The following ATG13 variants were observed in gnomAD, a reference collection of about 807,000 sequenced individuals.
ATG13 encodes the protein autophagy-related protein 13.
Under a neutral mutation model 65.5 loss-of-function variants are expected in ATG13, and 23 were observed. The ratio of observed to expected loss-of-function variants is 0.35; its 90% CI spans 0.25 to 0.50. The LOEUF is 0.50. Ranked by LOEUF, ATG13 falls within the 20% of genes least tolerant of loss-of-function variation. ATG13 has a pLI of 0.98. For missense variants in ATG13, 566 were observed against 677.0 expected (o/e 0.84, Z 1.82); for synonymous variants, 252 against 245.2 (o/e 1.03, Z -0.26).
chr11:46,636,147 C>G (rs1008747487), intron 2 of ATG13, among the ~76,000 whole-genome samples: 1 of 152,132 alleles, frequency 6.6e-6, no homozygotes, highest in South Asian at 2.1e-4. Flanking sequence ...TTAACCTGTT[C>G]TTGATCACGG....
At chr11:46,663,762 A>G (rs1454131732) in intron 11 of ATG13, among the ~76,000 whole-genome samples, 1 of 152,084 alleles carries the variant, frequency 6.6e-6, no homozygotes, top group Non-Finnish European at 1.5e-5. Flanking sequence ...ACTGCTTATC[A>G]GGGACACAGG....
Position 46,672,878 on chromosome 11 carries a change from C to T in ATG13, c.*546C>T. 1 of 1,087,370 alleles carries T rather than the reference C, an allele frequency of 9.2e-7. No individual in the cohort carries two copies. The highest frequency in any genetic ancestry group is 3.4e-5 in the Admixed American group (1 of 29,264). 67.4% of individuals were successfully genotyped at this position (1,087,370 alleles called of 1,614,324 possible). A position where few individuals can be genotyped will look rare whatever the true frequency, so the allele number is the denominator to read the frequency against. ...CTTCTCCTCTTCTTCTCTCTCTTGCCTCTATGCCTGTATTTCTGGCAATAT... is the reference window on the plus strand; with the variant it reads ...CTTCTCCTCTTCTTCTCTCTCTTGCTTCTATGCCTGTATTTCTGGCAATAT... On this transcript the variant is annotated 3_prime_UTR_variant, in exon 19 of 19. Coordinates refer to ENST00000683050, the MANE Select transcript of ATG13 (RefSeq NM_001346311.2).
intron 2 of ATG13, among the ~76,000 whole-genome samples, chr11:46,634,364 C>T (rs576460529): frequency 6.6e-6 from 1 of 151,670 alleles, no homozygotes; most frequent in Non-Finnish European, 1.5e-5. Context: ...TCCCAAAGTG[C>T]TGGGATTGGA....
At position 46,660,833 on chromosome 11, in the gene ATG13, G is replaced by A. The variant is rs938953157; in HGVS notation, c.789+1348G>A. ...AGGTGATCCTCCCACCTAAACCTCC[G>A]GAGTATCTGGGACTATAGGCATATG... On this transcript the variant is annotated intron_variant, in intron 11 of 18. Coordinates refer to ENST00000683050, the MANE Select transcript of ATG13 (RefSeq NM_001346311.2). Among the ~76,000 whole-genome samples the A allele has an allele frequency of 2.0e-5, 3 of 148,624 alleles. No individual in the cohort carries two copies. In the East Asian group the frequency reaches 6.1e-4, roughly 30 times the overall value.
intron 1 of ATG13, among the ~76,000 whole-genome samples, chr11:46,629,324 G>GT (rs1264627244): frequency 1.3e-5 from 2 of 152,184 alleles, no homozygotes; most frequent in African/African-American, 4.8e-5. Flanking sequence ...CTCATAGTGT[G>GT]TATTTTTGTG....
intron 2 of ATG13, among the ~76,000 whole-genome samples, chr11:46,639,306 G>A (rs543989199): frequency 2.0e-5 from 3 of 152,138 alleles, no homozygotes; most frequent in Non-Finnish European, 4.4e-5. Context: ...CTTTATCTTC[G>A]TTGATAGACA....
At chr11:46,651,504 T>C (rs997295031) in intron 7 of ATG13, among the ~76,000 whole-genome samples, 35 of 152,294 alleles carry the variant, frequency 2.3e-4, no homozygotes, top group African/African-American at 8.4e-4. Context: ...TAGCAAAGTG[T>C]GAGAGAAGAG....
intron 1 of ATG13, among the ~76,000 whole-genome samples, chr11:46,622,076 CATATATATATATATATATAT>C (rs58391951): frequency 0.023 from 1,644 of 71,832 alleles, 34 homozygotes; most frequent in Admixed American, 0.026. Flanking sequence ...TATTTATTTA[CATATATATATATATATATAT>C]ATATATATAT....
chr11:46,636,513 A>G (rs925907595), intron 2 of ATG13, among the ~76,000 whole-genome samples: 2 of 144,186 alleles, frequency 1.4e-5, no homozygotes, highest in Admixed American at 1.5e-4. Context: ...AGCCGAGATC[A>G]TGCCACTGCA....
intron 2 of ATG13, among the ~76,000 whole-genome samples, chr11:46,633,015 TATATATATATA>T (rs1252767604): frequency 1.2e-4 from 12 of 101,366 alleles, no homozygotes; most frequent in African/African-American, 6.8e-4. Flanking sequence ...TATATATATA[TATATATATATA>T]TTTTTTTTTT....
Position 46,657,669 on chromosome 11 carries a change from G to A in ATG13, c.695+47G>A, listed in dbSNP as rs373092428. ...TCTCCCAAACTGCAGCTGGGCAGAAGCATCCATCCTGCACAAGCACATGGA... is the reference window on the plus strand; with the variant it reads ...TCTCCCAAACTGCAGCTGGGCAGAAACATCCATCCTGCACAAGCACATGGA... On this transcript the variant is annotated intron_variant, in intron 10 of 18. Coordinates refer to ENST00000683050, the MANE Select transcript of ATG13 (RefSeq NM_001346311.2). The A allele has an allele frequency of 4.7e-6, 7 of 1,475,124 alleles. No homozygotes were observed. The African/African-American group carries it at 9.8e-5, about 21-fold the overall frequency. The allele number at this position is 1,475,124 out of a possible 1,614,324, so 91.4% of individuals were successfully genotyped here.
intron 1 of ATG13, among the ~76,000 whole-genome samples, chr11:46,623,340 C>T (rs1394194157): frequency 6.6e-6 from 1 of 152,120 alleles, no homozygotes; most frequent in Non-Finnish European, 1.5e-5. Flanking sequence ...AAGAAAGAGA[C>T]CTAATTTTAG....
At chr11:46,649,088 GA>G (rs746785843) in intron 5 of ATG13, 48 bp from the exon 6 acceptor site, 8 of 1,535,576 alleles carry the variant, frequency 5.2e-6, no homozygotes, top group Non-Finnish European at 7.1e-6. Flanking sequence ...GTAATGCTTT[GA>G]AATTAAAAAT....
At chr11:46,663,967 T>TTAAA in intron 11 of ATG13, 30 bp from the exon 12 acceptor site, 1 of 1,239,580 alleles carries the variant, frequency 8.1e-7, no homozygotes, top group Non-Finnish European at 1.1e-6. Context: ...TTTTTTTGTT[T>TTAAA]CTCCTGTCTC....
intron 5 of ATG13, among the ~76,000 whole-genome samples, chr11:46,647,921 G>A (rs1299014694): frequency 6.6e-6 from 1 of 151,996 alleles, no homozygotes; most frequent in Admixed American, 6.6e-5. Context: ...TGTATTGTGA[G>A]TTTTAAAAAA....
chr11:46,618,814 A>G (rs1471279716), intron 1 of ATG13, among the ~76,000 whole-genome samples: 5 of 151,710 alleles, frequency 3.3e-5, no homozygotes, highest in Non-Finnish European at 7.4e-5. Flanking sequence ...TTTAGATTTT[A>G]AAATTTTTAT....
rs775928613 is a variant in ATG13, at chr11:46,665,374, T to C, written c.1000-9T>C. ...ATGATTCACTGTCTCTTTCCATTTT[T>C]CCCCAAAGCTGATGGTTCCTGGGAA... is the stretch of plus-strand genomic sequence containing the variant. On this transcript the variant is annotated splice_polypyrimidine_tract_variant and intron_variant, in intron 13 of 18. Coordinates refer to ENST00000683050, the MANE Select transcript of ATG13 (RefSeq NM_001346311.2). 2 of 1,611,982 alleles carry C rather than the reference T, an allele frequency of 1.2e-6. No individual in the cohort carries two copies. The highest frequency in any genetic ancestry group is 2.2e-5 in the South Asian group (2 of 90,966).
intron 2 of ATG13, among the ~76,000 whole-genome samples, chr11:46,633,022 A>AT (rs1362633539): frequency 9.9e-6 from 1 of 100,632 alleles, no homozygotes; most frequent in African/African-American, 6.3e-5. Flanking sequence ...ATATATATAT[A>AT]TATATTTTTT....
intron 15 of ATG13, 112 bp from the exon 16 acceptor site, chr11:46,668,387 G>T: frequency 1.9e-6 from 2 of 1,070,034 alleles, no homozygotes; most frequent in South Asian, 1.4e-5. Context: ...GGGCAGCATG[G>T]TCAGCATAGC....
Sources: allele counts gnomAD v4.1 joint callset (sites outside exome capture counted in the v4.1 genomes callset), GRCh38; gene constraint gnomAD v4.1.1; transcripts MANE v1.5; gene names NCBI Gene and HGNC (gene_info 2026-07-23, HGNC 2026-07-21).